Variants in KIF26B observed in about 807,000 individuals in gnomAD.
KIF26B encodes the protein kinesin-like protein KIF26B.
In KIF26B, 63 loss-of-function variants were observed where a neutral mutation model predicts 151.2. The ratio of observed to expected loss-of-function variants is 0.42; its 90% CI spans 0.34 to 0.51. The LOEUF (loss-of-function observed/expected upper bound fraction) is 0.51, where lower values mean the gene tolerates loss of function less well. Ranked by LOEUF, KIF26B falls within the 20% of genes least tolerant of loss-of-function variation. The pLI is 0.07. For synonymous variants in KIF26B, 1,357 were observed against 1,262.1 expected (o/e 1.08, Z -1.59); for missense variants, 2,813 against 2,913.6 (o/e 0.97, Z 0.79).
At chr1:245,225,109 C>T (rs1669848688) in intron 2 of KIF26B, among the ~76,000 whole-genome samples, 1 of 152,150 alleles carries the variant, frequency 6.6e-6, no homozygotes, top group South Asian at 2.1e-4. Context: ...TACAAATTTA[C>T]AACAGCAAAA....
chr1:245,212,135 C>T (rs1050814883), intron 2 of KIF26B, among the ~76,000 whole-genome samples: 19 of 152,154 alleles, frequency 1.2e-4, no homozygotes, highest in Admixed American at 1.2e-3. Context: ...CAGAAGTGGG[C>T]GGTGGGGCTG....
chr1:245,689,089 G>C (rs895049468), intron 12 of KIF26B, among the ~76,000 whole-genome samples: 2 of 152,234 alleles, frequency 1.3e-5, no homozygotes, highest in Non-Finnish European at 2.9e-5. Context: ...CCTACTGCGT[G>C]CCGTCATCAG....
At chr1:245,230,893 C>T (rs1669982006) in intron 2 of KIF26B, among the ~76,000 whole-genome samples, 1 of 151,430 alleles carries the variant, frequency 6.6e-6, no homozygotes, top group South Asian at 2.1e-4. Context: ...TGAAAGAAAA[C>T]CTAATACCAG....
At chr1:245,332,238 CAGT>C (rs755739299) in intron 2 of KIF26B, among the ~76,000 whole-genome samples, 111 of 152,290 alleles carry the variant, frequency 7.3e-4, no homozygotes, top group South Asian at 2.1e-3. Context: ...ATTTGTGTAT[CAGT>C]GGTTGGAGGA....
At chr1:245,190,105 C>T (rs1238433185) in intron 2 of KIF26B, among the ~76,000 whole-genome samples, 2 of 151,886 alleles carry the variant, frequency 1.3e-5, no homozygotes, top group East Asian at 1.9e-4. Flanking sequence ...CATCAGATCT[C>T]GTGAGACTTA....
intron 2 of KIF26B, among the ~76,000 whole-genome samples, chr1:245,250,723 T>A (rs1670427668): frequency 6.6e-6 from 1 of 152,240 alleles, no homozygotes. Flanking sequence ...GTTTTCTCTT[T>A]TAAGAATTGC....
intron 9 of KIF26B, among the ~76,000 whole-genome samples, chr1:245,629,442 A>G (rs1372148977): frequency 2.0e-5 from 3 of 152,146 alleles, no homozygotes; most frequent in African/African-American, 7.2e-5. Flanking sequence ...AAATAACACT[A>G]CACATCTACA....
At chr1:245,156,173 C>T in intron 1 of KIF26B, 109 bp from the exon 2 acceptor site, 1 of 1,445,276 alleles carries the variant, frequency 6.9e-7, no homozygotes, top group Non-Finnish European at 9.1e-7. Flanking sequence ...CCCCAACCGA[C>T]TCCCGTGGGC....
At chr1:245,626,299 A>G (rs1206879237) in intron 9 of KIF26B, among the ~76,000 whole-genome samples, 1 of 151,848 alleles carries the variant, frequency 6.6e-6, no homozygotes, top group East Asian at 1.9e-4. Flanking sequence ...TTTTTTTGAG[A>G]AGCATCTATA....
At chr1:245,677,579 A>G (rs2044371722) in intron 10 of KIF26B, among the ~76,000 whole-genome samples, 1 of 152,256 alleles carries the variant, frequency 6.6e-6, no homozygotes, top group Admixed American at 6.5e-5. Flanking sequence ...GTACTTCTCT[A>G]GTACCCCAAA....
Position 245,352,828 on chromosome 1 carries a change from G to A in KIF26B, c.466-14006G>A, listed in dbSNP as rs1473269535. 6.6e-6 allele frequency among the ~76,000 whole-genome samples: 1 copy of A among 150,694 alleles called. No individual in the cohort carries two copies. Among genetic ancestry groups the A allele is most frequent in the Non-Finnish European group, 1.5e-5 (1 of 67,860 alleles). On this transcript the variant is annotated intron_variant, in intron 2 of 14. Transcript: ENST00000407071. This position sits in a 1 kb window ranked among gnomAD's most constrained non-coding sequence, Gnocchi z 5.0. Reference sequence around the variant, plus strand: ...TATCTTAGTGGTTTCTTCCTAAAGAGATGTACACGTGTGTGTGTGTGTGTG... The same window carrying A: ...TATCTTAGTGGTTTCTTCCTAAAGAAATGTACACGTGTGTGTGTGTGTGTG...
chr1:245,190,298 G>C (rs1211731184), intron 2 of KIF26B, among the ~76,000 whole-genome samples: 1 of 152,234 alleles, frequency 6.6e-6, no homozygotes, highest in African/African-American at 2.4e-5. Flanking sequence ...CGGGTGCTCA[G>C]ATTGCTGGGA....
At position 245,670,245 on chromosome 1, in the gene KIF26B, C is replaced by CATATATATAT. The variant is rs10584392; in HGVS notation, c.2259-13961_2259-13952dup. ...ATTCCATCGTATGCGTGTGTATATC[C>CATATATATAT]ATATATATATATATATATATATATA... On this transcript the variant is annotated intron_variant, in intron 10 of 14. Coordinates refer to ENST00000407071, the MANE Select transcript of KIF26B (RefSeq NM_018012.4). Among the ~76,000 whole-genome samples, 165 of 134,730 alleles carry CATATATATAT rather than the reference C, an allele frequency of 1.2e-3. 1 individual carries two copies. The highest frequency in any genetic ancestry group is 1.7e-3 in the Non-Finnish European group (105 of 62,292). 88.4% of individuals were successfully genotyped at this position (134,730 alleles called of 152,430 possible).
chr1:245,160,840 A>G (rs1668519218), intron 2 of KIF26B, among the ~76,000 whole-genome samples: 1 of 152,168 alleles, frequency 6.6e-6, no homozygotes, highest in Admixed American at 6.5e-5. Flanking sequence ...TGGACTCTAA[A>G]TAGCCGGAGA....
chr1:245,265,201 CAA>C (rs59716075), intron 2 of KIF26B, among the ~76,000 whole-genome samples: 1,338 of 47,244 alleles, frequency 0.028, 13 homozygotes, highest in African/African-American at 0.086. Flanking sequence ...GACTCCATCT[CAA>C]AAAAAAAAAA....
In KIF26B at chr1:245,540,678, A is replaced by T. The variant is rs1205678522; in HGVS notation, c.1167-89A>T. On this transcript the variant is annotated intron_variant, in intron 4 of 14. Transcript: ENST00000407071. This position sits in a 1 kb window ranked among gnomAD's most constrained non-coding sequence, Gnocchi z 4.6. Reference sequence around the variant, plus strand: ...AAGGAATGATTAGGCCTCAGAAAGAACGAGGGGTTGTTTAAGAGAAAACGA... The same window carrying T: ...AAGGAATGATTAGGCCTCAGAAAGATCGAGGGGTTGTTTAAGAGAAAACGA... The T allele has an allele frequency of 5.2e-6, 6 of 1,157,670 alleles. No individual in the cohort carries two copies. Among genetic ancestry groups the T allele is most frequent in the Non-Finnish European group, 7.9e-6 (6 of 763,536 alleles). 71.7% of individuals were successfully genotyped at this position (1,157,670 alleles called of 1,614,324 possible).
At chr1:245,462,442 T>G (rs1182552282) in intron 4 of KIF26B, among the ~76,000 whole-genome samples, 1 of 152,240 alleles carries the variant, frequency 6.6e-6, no homozygotes, top group African/African-American at 2.4e-5. Context: ...GCATTTAGAC[T>G]GGGCATAGTT....
At chr1:245,364,349 A>G (rs1672890885) in intron 2 of KIF26B, among the ~76,000 whole-genome samples, 1 of 151,538 alleles carries the variant, frequency 6.6e-6, no homozygotes, top group Non-Finnish European at 1.5e-5. Flanking sequence ...TCAGAGTCAA[A>G]TCCAGACTCC....
At chr1:245,662,435 GATATAT>G (rs61475459) in intron 10 of KIF26B, among the ~76,000 whole-genome samples, 4,516 of 140,082 alleles carry the variant, frequency 0.032, 222 homozygotes, top group African/African-American at 0.1. Flanking sequence ...ACACATACCC[GATATAT>G]ATATATATAT....
Sources: gnomAD v4.1 joint callset for allele counts (sites outside exome capture counted in the v4.1 genomes callset) on GRCh38, gnomAD v4.1.1 for gene constraint, Gnocchi (gnomAD v3.1) non-coding constraint, MANE v1.5 for transcripts, NCBI Gene and HGNC (gene_info 2026-07-23, HGNC 2026-07-21) for gene names.